ZNF385D: variants seen among roughly 807,000 people sequenced by gnomAD.
ZNF385D encodes zinc finger protein 385D.
A neutral mutation model predicts 35.8 loss-of-function variants in ZNF385D; 15 were observed. That is an observed-to-expected ratio of 0.42 (90% CI 0.28 to 0.64). The LOEUF (loss-of-function observed/expected upper bound fraction) is 0.64. Ranked by LOEUF, ZNF385D falls within the 30% of genes least tolerant of loss-of-function variation. ZNF385D has a pLI of 0.23. For missense variants in ZNF385D, 474 were observed against 494.6 expected, an observed-to-expected ratio of 0.96 and a Z score of 0.39; for synonymous variants, 212 against 186.8, an observed-to-expected ratio of 1.13 and a Z score of -1.10.
intron 3 of ZNF385D, among the ~76,000 whole-genome samples, chr3:22,152,441 G>A (rs1319869108): frequency 6.6e-6 from 1 of 152,262 alleles, no homozygotes; most frequent in Middle Eastern, 3.4e-3. Context: ...TCTGAGGTCA[G>A]AAGTCTGAAA....
At chr3:22,287,836 T>C (rs1196476624) in intron 2 of ZNF385D, among the ~76,000 whole-genome samples, 2 of 152,050 alleles carry the variant, frequency 1.3e-5, no homozygotes, top group African/African-American at 4.8e-5. Flanking sequence ...ATTTATTTAC[T>C]TTTATTTTGT....
intron 2 of ZNF385D, among the ~76,000 whole-genome samples, chr3:21,602,517 C>CTTTTTTTGTTTTTTTTTTTTTTTTTTT (rs2064334099): frequency 1.6e-5 from 1 of 62,710 alleles, no homozygotes; most frequent in African/African-American, 7.6e-5. Context: ...CCTGCATTTT[C>CTTTTTTTGTTTTTTTTTTTTTTTTTTT]TTTTTTTTTT....
intron 3 of ZNF385D, among the ~76,000 whole-genome samples, chr3:22,127,913 G>C (rs1301183199): frequency 6.6e-6 from 1 of 152,096 alleles, no homozygotes; most frequent in Non-Finnish European, 1.5e-5. Context: ...TCCTACTAAA[G>C]ATATGAGTAG....
chr3:21,955,225 T>C (rs1249396272), intron 3 of ZNF385D, among the ~76,000 whole-genome samples: 1 of 152,164 alleles, frequency 6.6e-6, no homozygotes, highest in Non-Finnish European at 1.5e-5. Flanking sequence ...ACTGACTGCT[T>C]ATCCTTCTTG....
chr3:22,136,220 C>T (rs933204917), intron 3 of ZNF385D, among the ~76,000 whole-genome samples: 1 of 152,080 alleles, frequency 6.6e-6, no homozygotes, highest in Non-Finnish European at 1.5e-5. Flanking sequence ...CTCATCTCTA[C>T]TAAAAATTAA....
chr3:22,344,739 T>A (rs539673558), intron 2 of ZNF385D, among the ~76,000 whole-genome samples: 1 of 152,180 alleles, frequency 6.6e-6, no homozygotes, highest in African/African-American at 2.4e-5. Context: ...TCTTTAACAG[T>A]AACATTTTAG....
chr3:21,903,662 G>A (rs986779757), intron 3 of ZNF385D, among the ~76,000 whole-genome samples: 26 of 152,182 alleles, frequency 1.7e-4, no homozygotes, highest in Middle Eastern at 3.4e-3. Context: ...TACAGAAATC[G>A]TATCTCAATA....
intron 3 of ZNF385D, among the ~76,000 whole-genome samples, chr3:21,808,941 G>T (rs1481123437): frequency 1.3e-5 from 2 of 152,194 alleles, no homozygotes; most frequent in Non-Finnish European, 2.9e-5. Flanking sequence ...TTGAACTACA[G>T]TTCTCGAAGG....
chr3:21,793,433 A>G (rs2072011590), intron 3 of ZNF385D, among the ~76,000 whole-genome samples: 1 of 152,248 alleles, frequency 6.6e-6, no homozygotes, highest in Admixed American at 6.5e-5. Flanking sequence ...TGTATTCAGA[A>G]TGTATTTGAA....
At chr3:22,344,517 G>A (rs187170324) in intron 2 of ZNF385D, among the ~76,000 whole-genome samples, 16 of 152,192 alleles carry the variant, frequency 1.1e-4, no homozygotes, top group Non-Finnish European at 2.2e-4. Flanking sequence ...AGCCTCCTGA[G>A]TATCTAGGAC....
At chr3:21,515,419 CAAAT>C (rs1306558798) in intron 3 of ZNF385D, among the ~76,000 whole-genome samples, 1 of 152,080 alleles carries the variant, frequency 6.6e-6, no homozygotes, top group Non-Finnish European at 1.5e-5. Context: ...TTCATGAACA[CAAAT>C]AATTTCAAAA....
rs527614409 is a variant in ZNF385D at position 21,614,195 on chromosome 3, G to T, written c.166-49511C>A. ...AAGTCAAAGATCAAGGTATAAGCAG[G>T]TCTGACTCCTGAGGCTTCTCTCCTG... On this transcript the variant is annotated intron_variant, in intron 2 of 7. Transcript: ENST00000281523. Among the ~76,000 whole-genome samples the T allele has an allele frequency of 2.6e-5, 4 of 151,890 alleles. No homozygotes were observed. In the South Asian group the frequency reaches 8.5e-4, roughly 32 times the overall value.
In ZNF385D at chr3:22,372,577, G is replaced by T. The variant is rs955591402; in HGVS notation, c.-22C>A. On this transcript the variant is annotated 5_prime_UTR_variant, in exon 2 of 6. Coordinates refer to the ZNF385D transcript ENST00000494108. ...GCATCCGGGAGGAGCAGCCGCCGGG[G>T]CTGGCTGTCCCGGGAGACGCACGGC... 5.1e-6 allele frequency: 5 copies of T among 978,590 alleles called. No homozygotes were observed. The South Asian group carries it at 1.9e-4, about 37-fold the overall frequency. 60.6% of individuals were successfully genotyped at this position (978,590 alleles called of 1,614,324 possible). A position where few individuals can be genotyped will look rare whatever the true frequency, so the allele number is the denominator to read the frequency against.
chr3:21,949,591 T>C (rs1398777071), intron 3 of ZNF385D, among the ~76,000 whole-genome samples: 1 of 147,916 alleles, frequency 6.8e-6, no homozygotes, highest in Non-Finnish European at 1.5e-5. Flanking sequence ...AGTTCTGGGA[T>C]ACATGCACAG....
intron 3 of ZNF385D, among the ~76,000 whole-genome samples, chr3:21,909,189 T>C (rs1356995271): frequency 2.1e-4 from 27 of 127,744 alleles, no homozygotes. Flanking sequence ...CGTCCAAATA[T>C]AATACGGATA....
intron 3 of ZNF385D, among the ~76,000 whole-genome samples, chr3:21,801,622 A>G (rs2072407697): frequency 6.6e-6 from 1 of 152,184 alleles, no homozygotes; most frequent in African/African-American, 2.4e-5. Context: ...TAGCAGAGCC[A>G]TTACTTTATT....
intron 2 of ZNF385D, among the ~76,000 whole-genome samples, chr3:22,213,781 G>C (rs1372466780): frequency 6.6e-6 from 1 of 151,990 alleles, no homozygotes; most frequent in Non-Finnish European, 1.5e-5. Flanking sequence ...GAAGCAAGAA[G>C]TCTCAGGAAG....
chr3:21,648,241 A>T (rs1220209106), intron 2 of ZNF385D, among the ~76,000 whole-genome samples: 5 of 152,170 alleles, frequency 3.3e-5, no homozygotes, highest in Admixed American at 6.5e-5. Flanking sequence ...TCTGATGATC[A>T]TATAAGCACC....
At chr3:21,540,470 T>C (rs2062146031) in intron 3 of ZNF385D, among the ~76,000 whole-genome samples, 1 of 152,168 alleles carries the variant, frequency 6.6e-6, no homozygotes, top group Non-Finnish European at 1.5e-5. Flanking sequence ...CCAGCTGTAA[T>C]CAAGAGTGAT....
Sources: gnomAD v4.1 joint callset for allele counts (sites outside exome capture counted in the v4.1 genomes callset) on GRCh38, gnomAD v4.1.1 for gene constraint, MANE v1.5 for transcripts, NCBI Gene and HGNC (gene_info 2026-07-23, HGNC 2026-07-21) for gene names.